SP3: variants seen among roughly 807,000 people sequenced by gnomAD.
SP3 encodes transcription factor Sp3.
A neutral mutation model predicts 70.3 loss-of-function variants in SP3; 10 were observed. The ratio of observed to expected loss-of-function variants is 0.14; its 90% confidence interval spans 0.09 to 0.24. The LOEUF is 0.24. Among genes scored for constraint, SP3 ranks in the 10% least tolerant of loss-of-function variants. The pLI, the probability that SP3 is intolerant of heterozygous loss-of-function variation, is 1.00. For synonymous variants in SP3, 402 were observed against 333.5 expected, an observed-to-expected ratio of 1.21 and a Z score of -2.24; for missense variants, 825 against 914.6, an observed-to-expected ratio of 0.90 and a Z score of 1.26.
At chr2:173,961,944 T>G (rs987730530) in intron 3 of SP3, among the ~76,000 whole-genome samples, 12 of 150,966 alleles carry the variant, frequency 7.9e-5, no homozygotes, top group African/African-American at 1.5e-4. Flanking sequence ...GGTTTTTTTT[T>G]TTTTTTTTTT....
At chr2:173,946,515 G>A (rs1690543943) in intron 4 of SP3, among the ~76,000 whole-genome samples, 1 of 151,794 alleles carries the variant, frequency 6.6e-6, no homozygotes, top group Admixed American at 6.6e-5. Flanking sequence ...ATTTCCTCAG[G>A]ATCCATTTTT....
intron 4 of SP3, among the ~76,000 whole-genome samples, chr2:173,951,690 T>C (rs1459636749): frequency 6.6e-6 from 1 of 152,226 alleles, no homozygotes; most frequent in East Asian, 1.9e-4. Flanking sequence ...TGGGTTTTCT[T>C]TGAATACTAC....
chr2:173,946,354 A>G lies in SP3; in HGVS notation c.1639+8519T>C, dbSNP rs1216431518. 2.0e-5 allele frequency among the ~76,000 whole-genome samples: 3 copies of G among 151,838 alleles called. No individual in the cohort carries two copies. The East Asian group carries it at 5.8e-4, about 29-fold the overall frequency. ...AAGAGATGGGGGTCTATCTTGCCCA[A>G]GCTGGTCTTAAACTCCTGGCCTCAA... On this transcript the variant is annotated intron_variant, in intron 4 of 6. Coordinates refer to ENST00000310015, the MANE Select transcript of SP3 (RefSeq NM_003111.5).
intron 4 of SP3, among the ~76,000 whole-genome samples, chr2:173,923,508 CTAAT>C (rs753245757): frequency 2.0e-5 from 3 of 152,008 alleles, no homozygotes; most frequent in African/African-American, 4.8e-5. Context: ...AAATTAACTG[CTAAT>C]TATTTATCAA....
intron 5 of SP3, among the ~76,000 whole-genome samples, chr2:173,917,306 C>G (rs1299171441): frequency 7.5e-6 from 1 of 132,646 alleles, no homozygotes; most frequent in Non-Finnish European, 1.7e-5. Context: ...CAAAATATGT[C>G]AAAAAACAAA....
chr2:173,935,494 T>C (rs1690184849), intron 4 of SP3, among the ~76,000 whole-genome samples: 1 of 152,180 alleles, frequency 6.6e-6, no homozygotes, highest in Admixed American at 6.5e-5. Flanking sequence ...CCTGTTTTCC[T>C]GTCACCCAAA....
At chr2:173,958,516 G>A (rs1336090738) in intron 3 of SP3, among the ~76,000 whole-genome samples, 4 of 148,922 alleles carry the variant, frequency 2.7e-5, no homozygotes, top group East Asian at 2.0e-4. Context: ...GATGTATTCC[G>A]AACTTTTCTG....
At chr2:173,944,077 C>T (rs1200256316) in intron 4 of SP3, among the ~76,000 whole-genome samples, 2 of 152,234 alleles carry the variant, frequency 1.3e-5, no homozygotes, top group Non-Finnish European at 2.9e-5. Context: ...TGGTTCGCTG[C>T]TGACTGAAAC....
intron 4 of SP3, among the ~76,000 whole-genome samples, chr2:173,935,281 G>C (rs1331427559): frequency 6.6e-6 from 1 of 152,094 alleles, no homozygotes; most frequent in Non-Finnish European, 1.5e-5. Context: ...GATCAGTCCA[G>C]GTTAAAAGAA....
chr2:173,929,109 A>G (rs141943331), intron 4 of SP3, among the ~76,000 whole-genome samples: 2 of 152,318 alleles, frequency 1.3e-5, no homozygotes, highest in Admixed American at 1.3e-4. Flanking sequence ...GCTCCACTTG[A>G]TACATGCTTC....
intron 4 of SP3, among the ~76,000 whole-genome samples, chr2:173,920,532 G>A (rs1024201883): frequency 6.6e-6 from 1 of 152,002 alleles, no homozygotes; most frequent in Non-Finnish European, 1.5e-5. Context: ...GTGCAGGGGC[G>A]GGGGGTAAGG....
intron 1 of SP3, 49 bp from the exon 2 acceptor site, chr2:173,964,602 G>C (rs1353572362): frequency 4.6e-6 from 3 of 649,210 alleles, no homozygotes; most frequent in African/African-American, 1.9e-5. Context: ...GGCGGGTGGC[G>C]GAGAGGGAGG....
In SP3 at chr2:173,955,228, A is replaced by G. The variant is rs561864898; in HGVS notation, c.1284T>C (p.Gly428=). 5.6e-6 allele frequency: 9 copies of G among 1,614,114 alleles called. No individual in the cohort carries two copies. The African/African-American group carries it at 9.3e-5, about 17-fold the overall frequency. ...PQTIHGVQAS[G]QNISQQALQN... is the part of the protein sequence containing the mutation. The stretch of plus-strand genomic sequence containing the variant: ...GCAAAGCCTGTTGTGATATATTTTG[A>G]CCACTGGCTTGCACACCATGGATTG... Residue 428 remains glycine (G), a synonymous_variant, in exon 4 of 7, where the codon GGT becomes GGC. Coordinates refer to ENST00000310015, the MANE Select transcript of SP3 (RefSeq NM_003111.5).
In SP3 at chr2:173,942,205, G is replaced by A. The variant is rs1469255969; in HGVS notation, c.1639+12668C>T. ...GCAATTAAACTAGAATTGGGAGGAG[G>A]ATGAACACAAGTTGTTGGCACTTCT... On this transcript the variant is annotated intron_variant, in intron 4 of 6. Coordinates refer to ENST00000310015, the MANE Select transcript of SP3 (RefSeq NM_003111.5). 2.0e-5 allele frequency among the ~76,000 whole-genome samples: 3 copies of A among 152,194 alleles called. No homozygotes were observed. In the East Asian group the frequency reaches 5.8e-4, roughly 29 times the overall value.
At position 173,965,172 on chromosome 2, in the gene SP3, AGT is replaced by A; in HGVS notation, c.-3_-2del. Reference sequence around the variant, plus strand: ...TCTCTCGGCTTTACGTACCGGTCATAGTGTGTTTAGGGCACCTCAGGCGGGGC... The same window carrying A: ...TCTCTCGGCTTTACGTACCGGTCATAGTGTTTAGGGCACCTCAGGCGGGGC... On this transcript the variant is annotated 5_prime_UTR_variant, in exon 1 of 7. Transcript: ENST00000310015. 6.5e-7 allele frequency: 1 copy of A among 1,546,592 alleles called. No homozygotes were observed. The highest frequency in any genetic ancestry group is 8.7e-7 in the Non-Finnish European group (1 of 1,145,386).
chr2:173,925,915 T>C (rs922362543), intron 4 of SP3, among the ~76,000 whole-genome samples: 3 of 152,244 alleles, frequency 2.0e-5, no homozygotes, highest in Non-Finnish European at 4.4e-5. Context: ...TCCTAACTGC[T>C]ATCCAATAAA....
intron 3 of SP3, among the ~76,000 whole-genome samples, chr2:173,958,892 G>A (rs1296998202): frequency 2.6e-5 from 4 of 151,860 alleles, no homozygotes; most frequent in African/African-American, 7.3e-5. Context: ...ACCTTGCAGG[G>A]GCATAAGAAT....
intron 4 of SP3, among the ~76,000 whole-genome samples, chr2:173,952,868 G>C (rs1038123677): frequency 2.0e-5 from 3 of 152,180 alleles, no homozygotes; most frequent in Non-Finnish European, 4.4e-5. Flanking sequence ...ACAGAAAGTA[G>C]CATAGTGGTT....
intron 4 of SP3, among the ~76,000 whole-genome samples, chr2:173,924,672 T>C (rs1352235133): frequency 6.6e-6 from 1 of 152,176 alleles, no homozygotes; most frequent in Non-Finnish European, 1.5e-5. Flanking sequence ...TGAAAATGGA[T>C]GGAGCCAGGA....
Sources: gnomAD v4.1 joint callset for allele counts (sites outside exome capture counted in the v4.1 genomes callset) on GRCh38, gnomAD v4.1.1 for gene constraint, MANE v1.5 for transcripts, NCBI Gene and HGNC (gene_info 2026-07-23, HGNC 2026-07-21) for gene names.